Variants in SUPT3H observed in about 807,000 individuals in gnomAD.
The protein encoded by SUPT3H is SPT3 homolog, SAGA and STAGA complex component.
A neutral mutation model predicts 44.3 loss-of-function variants in SUPT3H; 44 were observed. That is an observed-to-expected ratio of 0.99 (90% CI 0.78 to 1.28). The LOEUF (loss-of-function observed/expected upper bound fraction) is 1.28, where lower values mean the gene tolerates loss of function less well. SUPT3H is among the 50% of genes most tolerant of loss of function. The pLI is 0.00. For synonymous variants in SUPT3H, 124 were observed against 125.6 expected, an observed-to-expected ratio of 0.99 and a Z score of 0.09; for missense variants, 380 against 387.1, an observed-to-expected ratio of 0.98 and a Z score of 0.15.
At chr6:45,120,846 A>C (rs1801557857) in intron 2 of SUPT3H, among the ~76,000 whole-genome samples, 1 of 152,208 alleles carries the variant, frequency 6.6e-6, no homozygotes, top group Admixed American at 6.5e-5. Flanking sequence ...GAAATTTCTC[A>C]GGTTCTGAGA....
chr6:44,907,696 A>C (rs1197077202), intron 10 of SUPT3H, among the ~76,000 whole-genome samples: 1 of 152,032 alleles, frequency 6.6e-6, no homozygotes, highest in Non-Finnish European at 1.5e-5. Flanking sequence ...AAAACAGTAA[A>C]ATTATTATAC....
intron 2 of SUPT3H, among the ~76,000 whole-genome samples, chr6:45,342,012 G>A (rs1209007444): frequency 4.0e-5 from 6 of 151,762 alleles, no homozygotes; most frequent in Middle Eastern, 3.2e-3. Context: ...AAAAAAAAAC[G>A]GAGACTGGAC....
At chr6:45,257,802 T>C (rs189508908) in intron 2 of SUPT3H, among the ~76,000 whole-genome samples, 8 of 152,290 alleles carry the variant, frequency 5.3e-5, no homozygotes, top group Non-Finnish European at 1.0e-4. Context: ...CTTAACCTTT[T>C]TCCCATGTGA....
intron 3 of SUPT3H, among the ~76,000 whole-genome samples, chr6:45,083,355 C>T (rs1203926908): frequency 6.6e-6 from 1 of 151,810 alleles, no homozygotes; most frequent in Non-Finnish European, 1.5e-5. Flanking sequence ...CCACACCCGG[C>T]TAATTTTTGT....
intron 2 of SUPT3H, among the ~76,000 whole-genome samples, chr6:45,262,435 G>A (rs1035973439): frequency 6.6e-6 from 1 of 152,016 alleles, no homozygotes; most frequent in African/African-American, 2.4e-5. Flanking sequence ...TCAATGAACA[G>A]TATATGATAA....
At chr6:45,035,188 T>C (rs1787492965) in intron 3 of SUPT3H, among the ~76,000 whole-genome samples, 2 of 152,264 alleles carry the variant, frequency 1.3e-5, no homozygotes, top group South Asian at 2.1e-4. Context: ...TTAAAATGCA[T>C]TACTAAGACT....
intron 2 of SUPT3H, among the ~76,000 whole-genome samples, chr6:45,235,107 C>T (rs1041726188): frequency 6.6e-6 from 1 of 152,024 alleles, no homozygotes; most frequent in East Asian, 1.9e-4. Flanking sequence ...GCCAATGATA[C>T]AAGTGACAAA....
At chr6:45,279,731 T>C (rs1225665021) in intron 2 of SUPT3H, among the ~76,000 whole-genome samples, 1 of 152,204 alleles carries the variant, frequency 6.6e-6, no homozygotes, top group Non-Finnish European at 1.5e-5. Context: ...TATTTCATTA[T>C]AGTGATATAA....
chr6:45,106,576 G>T (rs1338617071), intron 2 of SUPT3H, among the ~76,000 whole-genome samples: 2 of 151,468 alleles, frequency 1.3e-5, no homozygotes, highest in East Asian at 1.9e-4. Context: ...TCACCCTGTT[G>T]CCCAGGCTGT....
chr6:45,268,233 G>A (rs1297121080), intron 2 of SUPT3H, among the ~76,000 whole-genome samples: 2 of 152,072 alleles, frequency 1.3e-5, no homozygotes, highest in Non-Finnish European at 2.9e-5. Flanking sequence ...TTTATATCTT[G>A]TAATTACAAT....
chr6:45,021,368 G>A (rs1785110582), intron 3 of SUPT3H, among the ~76,000 whole-genome samples: 1 of 151,782 alleles, frequency 6.6e-6, no homozygotes, highest in Non-Finnish European at 1.5e-5. Flanking sequence ...AAATGACATG[G>A]AAAATAAAAG....
intron 10 of SUPT3H, among the ~76,000 whole-genome samples, chr6:44,877,564 G>A (rs751647573): frequency 6.6e-6 from 1 of 151,616 alleles, no homozygotes; most frequent in Non-Finnish European, 1.5e-5. Context: ...ACTAACATAA[G>A]TGTACTACCA....
intron 6 of SUPT3H, among the ~76,000 whole-genome samples, chr6:44,982,984 G>C (rs1044778998): frequency 2.0e-5 from 3 of 152,140 alleles, no homozygotes; most frequent in Admixed American, 6.6e-5. Context: ...GATTCACATA[G>C]AGGCTAAATA....
chr6:45,068,760 A>C (rs1793871088), intron 3 of SUPT3H, among the ~76,000 whole-genome samples: 1 of 151,992 alleles, frequency 6.6e-6, no homozygotes, highest in African/African-American at 2.4e-5. Context: ...TGTGGACTTC[A>C]CACTCATTTT....
In SUPT3H at chr6:44,956,474, AAAAAAAAAATAAAAAAAAAAAATAAAAAT is replaced by A. The variant is rs1383373045; in HGVS notation, c.581-1896_581-1868del. Among the ~76,000 whole-genome samples, 4 of 16,196 alleles carry A rather than the reference AAAAAAAAAATAAAAAAAAAAAATAAAAAT, an allele frequency of 2.5e-4. 1 individual carries two copies. The highest frequency in any genetic ancestry group is 5.8e-4 in the Non-Finnish European group (4 of 6,934). 10.6% of individuals were successfully genotyped at this position (16,196 alleles called of 152,430 possible). A position where few individuals can be genotyped will look rare whatever the true frequency, so the allele number is the denominator to read the frequency against. On this transcript the variant is annotated intron_variant, in intron 7 of 10. Coordinates refer to ENST00000371459, the MANE Select transcript of SUPT3H (RefSeq NM_003599.4). ...ACAACAAGAGCGAAACTGTCTCAAA[AAAAAAAAAATAAAAAAAAAAAATAAAAAT>A]AAAAAAAAAAAAGTGTCTATTACCA...
rs1266882651 is a variant in SUPT3H at position 45,262,799 on chromosome 6, A to T, written c.101+102402T>A. On this transcript the variant is annotated intron_variant, in intron 2 of 10. Transcript: ENST00000371459. ...AATCTAGGAGGAACTTAATATGTGA[A>T]ATACAACCCCATTAAAAAGTGGGCA... Among the ~76,000 whole-genome samples, 3 of 151,788 alleles carry T rather than the reference A, an allele frequency of 2.0e-5. No homozygotes were observed. The East Asian group carries it at 5.8e-4, about 29-fold the overall frequency.
At chr6:44,927,039 T>C (rs557331836) in intron 10 of SUPT3H, among the ~76,000 whole-genome samples, 1 of 152,174 alleles carries the variant, frequency 6.6e-6, no homozygotes, top group Non-Finnish European at 1.5e-5. Context: ...ACTAGATAGA[T>C]GGATAAATAT....
chr6:45,373,345 C>T (rs1796348082), intron 1 of SUPT3H, among the ~76,000 whole-genome samples: 1 of 152,042 alleles, frequency 6.6e-6, no homozygotes, highest in Non-Finnish European at 1.5e-5. Context: ...CCTCACAGAC[C>T]AATTCTAGAA....
At chr6:45,015,295 A>C (rs1451999812) in intron 4 of SUPT3H, among the ~76,000 whole-genome samples, 1 of 152,142 alleles carries the variant, frequency 6.6e-6, no homozygotes, top group Non-Finnish European at 1.5e-5. Context: ...ACTGGTATGC[A>C]AGGGTAAGAA....
Sources: gnomAD v4.1 joint callset for allele counts (sites outside exome capture counted in the v4.1 genomes callset) on GRCh38, gnomAD v4.1.1 for gene constraint, MANE v1.5 for transcripts, NCBI Gene and HGNC (gene_info 2026-07-23, HGNC 2026-07-21) for gene names.